The following NRXN3 variants were observed in gnomAD, a reference collection of about 807,000 sequenced individuals.
The protein encoded by NRXN3 is neurexin 3, also known as neurexin III.
A neutral mutation model predicts 137.6 loss-of-function variants in NRXN3; 32 were observed. That is an observed-to-expected ratio of 0.23 (90% confidence interval 0.18 to 0.31). NRXN3 has a LOEUF of 0.31. Ranked by LOEUF, NRXN3 falls within the 10% of genes least tolerant of loss-of-function variation. The pLI, the probability that NRXN3 is intolerant of heterozygous loss-of-function variation, is 1.00. For missense variants in NRXN3, 1,574 were observed against 2,062.5 expected (o/e 0.76, Z 4.59); for synonymous variants, 798 against 784.5 (o/e 1.02, Z -0.29).
intron 15 of NRXN3, among the ~76,000 whole-genome samples, chr14:79,024,375 T>G (rs887688113): frequency 3.9e-5 from 6 of 152,154 alleles, no homozygotes; most frequent in Admixed American, 3.9e-4. Context: ...CAAATTCAGG[T>G]TTTTAAATAA....
At position 79,590,955 on chromosome 14, in the gene NRXN3, C is replaced by A. The variant is rs552558341; in HGVS notation, c.3445-72823C>A. Among the ~76,000 whole-genome samples the A allele has an allele frequency of 2.6e-5, 4 of 152,310 alleles. No individual in the cohort carries two copies. The South Asian group carries it at 8.3e-4, about 32-fold the overall frequency. ...CCATCTTTCTAAGGTCTCTCAGAAC[C>A]TTAGCTCCAACAAAACCCCCTTCTT... On this transcript the variant is annotated intron_variant, in intron 16 of 20. Coordinates refer to ENST00000335750, the MANE Select transcript of NRXN3 (RefSeq NM_001330195.2).
At chr14:79,113,609 C>T (rs1568326335) in intron 15 of NRXN3, among the ~76,000 whole-genome samples, 1 of 152,194 alleles carries the variant, frequency 6.6e-6, no homozygotes, top group Non-Finnish European at 1.5e-5. Flanking sequence ...ACCTCTACTT[C>T]CTCACTGTCT....
At chr14:79,660,419 G>A (rs2098527843) in intron 16 of NRXN3, among the ~76,000 whole-genome samples, 2 of 152,130 alleles carry the variant, frequency 1.3e-5, no homozygotes, top group Admixed American at 1.3e-4. Context: ...CCTGGGAAAG[G>A]ATCTCCACTG....
chr14:78,394,080 A>T (rs1598180656), intron 4 of NRXN3, among the ~76,000 whole-genome samples: 1 of 152,042 alleles, frequency 6.6e-6, no homozygotes, highest in East Asian at 1.9e-4. Context: ...CCAGAGCCGT[A>T]TGTATTTTTT....
At chr14:79,240,453 T>A (rs2074095940) in intron 15 of NRXN3, among the ~76,000 whole-genome samples, 1 of 152,156 alleles carries the variant, frequency 6.6e-6, no homozygotes, top group Non-Finnish European at 1.5e-5. Context: ...ACAGCCTTTA[T>A]CTGTTATTCA....
chr14:78,273,942 G>A (rs1336092025), intron 2 of NRXN3, among the ~76,000 whole-genome samples: 2 of 152,168 alleles, frequency 1.3e-5, no homozygotes, highest in Admixed American at 6.5e-5. Flanking sequence ...CACCAGGTGG[G>A]GTCCCAGAAG....
intron 19 of NRXN3, among the ~76,000 whole-genome samples, chr14:79,723,664 C>A (rs2098858868): frequency 6.6e-6 from 1 of 152,242 alleles, no homozygotes; most frequent in East Asian, 1.9e-4. Context: ...AAAGGATACA[C>A]CCCAGGGTCT....
intron 15 of NRXN3, among the ~76,000 whole-genome samples, chr14:79,199,820 G>A (rs187757799): frequency 6.6e-6 from 1 of 152,214 alleles, no homozygotes; most frequent in Admixed American, 6.5e-5. Context: ...ATATAAATTT[G>A]GTTCAAGTAG....
At chr14:78,413,476 G>A (rs2092952059) in intron 4 of NRXN3, among the ~76,000 whole-genome samples, 2 of 152,146 alleles carry the variant, frequency 1.3e-5, no homozygotes, top group Non-Finnish European at 2.9e-5. Context: ...GTAGAGACGA[G>A]GTTTCTCCAT....
intron 15 of NRXN3, among the ~76,000 whole-genome samples, chr14:79,044,698 AACACAC>A (rs61363440): frequency 5.9e-4 from 88 of 150,186 alleles, no homozygotes; most frequent in Admixed American, 1.2e-3. Flanking sequence ...CTCAAAAGTG[AACACAC>A]ACACACACAC....
intron 15 of NRXN3, among the ~76,000 whole-genome samples, chr14:79,171,231 G>A (rs771645150): frequency 6.6e-6 from 1 of 152,170 alleles, no homozygotes; most frequent in Non-Finnish European, 1.5e-5. Flanking sequence ...CAATGAAGAA[G>A]GGCAAGTAGA....
At chr14:78,476,886 T>G (rs1056469252) in intron 4 of NRXN3, among the ~76,000 whole-genome samples, 1 of 152,222 alleles carries the variant, frequency 6.6e-6, no homozygotes, top group Non-Finnish European at 1.5e-5. Flanking sequence ...CCATAACACC[T>G]TAGATGAAAT....
intron 16 of NRXN3, among the ~76,000 whole-genome samples, chr14:79,637,726 G>GTTTTTTTTTTTTTTTTTTTTTT (rs1447669099): frequency 4.3e-5 from 4 of 92,992 alleles, no homozygotes; most frequent in Non-Finnish European, 5.7e-5. Context: ...ATATAGAAAA[G>GTTTTTTTTTTTTTTTTTTTTTT]TTCTTTTTTT....
intron 2 of NRXN3, among the ~76,000 whole-genome samples, chr14:78,257,681 T>A (rs1022880130): frequency 6.6e-6 from 1 of 152,192 alleles, no homozygotes; most frequent in African/African-American, 2.4e-5. Context: ...TTGAGGCCAA[T>A]GGGATAGTAA....
At chr14:78,183,095 G>C (rs947209735) in intron 1 of NRXN3, among the ~76,000 whole-genome samples, 10 of 152,170 alleles carry the variant, frequency 6.6e-5, no homozygotes, top group African/African-American at 2.4e-4. Context: ...GGAGAACCCA[G>C]AATAAGGATG....
intron 5 of NRXN3, among the ~76,000 whole-genome samples, chr14:78,649,563 CTT>C (rs11366920): frequency 0.033 from 4,088 of 125,072 alleles, 137 homozygotes; most frequent in East Asian, 0.18. Context: ...CCAAAAAATG[CTT>C]TTTTTTTTTT....
chr14:78,778,835 T>G lies in NRXN3; in HGVS notation c.2045-24785T>G, dbSNP rs187401140. On this transcript the variant is annotated intron_variant, in intron 8 of 20. Coordinates refer to ENST00000335750, the MANE Select transcript of NRXN3 (RefSeq NM_001330195.2). Reference sequence around the variant, plus strand: ...TTCTTTCTTTCTTTTCCTTCTTTCTTTTTTCTACCTCTTCTTATTTTCTCT... The same window carrying G: ...TTCTTTCTTTCTTTTCCTTCTTTCTGTTTTCTACCTCTTCTTATTTTCTCT... Among the ~76,000 whole-genome samples the G allele has an allele frequency of 1.3e-3, 190 of 150,286 alleles. 1 individual carries two copies. The highest frequency in any genetic ancestry group is 4.4e-3 in the African/African-American group (179 of 40,874).
intron 4 of NRXN3, among the ~76,000 whole-genome samples, chr14:78,344,821 C>G (rs1437365967): frequency 3.3e-5 from 5 of 152,120 alleles, no homozygotes; most frequent in Admixed American, 2.0e-4. Context: ...ATGCTGGTAC[C>G]TAGACCCCAT....
At chr14:78,864,509 C>T (rs148908048) in intron 10 of NRXN3, among the ~76,000 whole-genome samples, 2 of 152,194 alleles carry the variant, frequency 1.3e-5, no homozygotes, top group East Asian at 1.9e-4. Context: ...CGGTGCTTCA[C>T]CTCTCCATAC....
Sources: gnomAD v4.1 joint callset for allele counts (sites outside exome capture counted in the v4.1 genomes callset) on GRCh38, gnomAD v4.1.1 for gene constraint, MANE v1.5 for transcripts, NCBI Gene and HGNC (gene_info 2026-07-23, HGNC 2026-07-21) for gene names.